The following NAT9 variants were observed in gnomAD, a reference collection of about 807,000 sequenced individuals.
NAT9 encodes alpha/beta-tubulin-N-acetyltransferase 9.
Under a neutral mutation model 24.0 loss-of-function variants are expected in NAT9, and 18 were observed. The observed-to-expected ratio is 0.75, with a 90% CI of 0.52 to 1.11. The LOEUF is 1.11. Ranked by LOEUF, NAT9 falls within the 50% of genes most tolerant of loss-of-function variation. The pLI, the probability that NAT9 is intolerant of heterozygous loss-of-function variation, is 0.00. For missense variants in NAT9, 254 were observed against 258.6 expected, an observed-to-expected ratio of 0.98 and a Z score of 0.12; for synonymous variants, 104 against 102.3, an observed-to-expected ratio of 1.02 and a Z score of -0.10.
Position 74,775,647 on chromosome 17 carries a change from G to C in NAT9, c.52C>G (p.Pro18Ala). ...LLLGKKVVLV[P>A]YTSEHVPSRY... is the part of the protein sequence containing the mutation. ...CTGGGCACATGCTCCGAGGTGTAGG[G>C]TACAAGGACCACCTTCTTCCCCAGC... is the stretch of plus-strand genomic sequence containing the variant. Residue 18 changes from proline (P) to alanine (A), a missense_variant, in exon 2 of 7, where the codon CCC (proline) becomes GCC (alanine). Physicochemically the swap from Pro to Ala is conservative, Grantham distance 27. Transcript: ENST00000357814. The C allele has an allele frequency of 1.2e-6, 2 of 1,614,104 alleles. No homozygotes were observed. The highest frequency in any genetic ancestry group is 8.5e-7 in the Non-Finnish European group (1 of 1,179,966).
chr17:74,772,514 T>C (rs1018252142), intron 4 of NAT9: 37 of 1,418,676 alleles, frequency 2.6e-5, no homozygotes, highest in East Asian at 5.1e-5. Context: ...CTCATGGGGA[T>C]AGTCAGTAGC....
Position 74,771,872 on chromosome 17 carries a change from A to C in NAT9, c.490-14T>G, listed in dbSNP as rs1363362513. On this transcript the variant is annotated splice_polypyrimidine_tract_variant and intron_variant, in intron 6 of 6. Transcript: ENST00000357814. ...GCTCGTAGCCACCTACGTGAGCCAG[A>C]GAGAACAAAGCCTGCTAAGTTACAG... 22 of 1,614,272 alleles carry C rather than the reference A, an allele frequency of 1.4e-5. No homozygotes were observed. The African/African-American group carries it at 2.3e-4, about 17-fold the overall frequency.
chr17:74,772,836 G>A, intron 4 of NAT9, 60 bp downstream of exon 4: 5 of 1,605,624 alleles, frequency 3.1e-6, no homozygotes, highest in Non-Finnish European at 4.3e-6. Context: ...GCCTCGGCAG[G>A]CTCAGTCAGC....
intron 2 of NAT9, among the ~76,000 whole-genome samples, chr17:74,774,643 C>T (rs143896851): frequency 0.021 from 3,224 of 151,270 alleles, 99 homozygotes; most frequent in African/African-American, 0.073. Flanking sequence ...CTCCGCCTCC[C>T]GGGTTCACAC....
chr17:74,771,778 C>A lies in NAT9; in HGVS notation c.570G>T (p.Gln190His). 6.2e-7 allele frequency: 1 copy of A among 1,614,128 alleles called. No homozygotes were observed. Reference sequence around the variant, plus strand: ...AAGGCTTCTCTTCCACGTGGCTGGTCTGCTCCAGAAGCCACTGATGCTCGG... The same window carrying A: ...AAGGCTTCTCTTCCACGTGGCTGGTATGCTCCAGAAGCCACTGATGCTCGG... ...SESEHQWLLEQTSHVEEKPYR... is the reference protein window; with the variant it reads ...SESEHQWLLEHTSHVEEKPYR... Residue 190 changes from glutamine to histidine, a missense_variant, in exon 7 of 7, where the codon CAG becomes CAT. Physicochemically the swap from Gln to His is conservative, Grantham distance 24 (BLOSUM62 0). Coordinates refer to ENST00000357814, the MANE Select transcript of NAT9 (RefSeq NM_015654.5).
At position 74,773,559 on chromosome 17, in the gene NAT9, G is replaced by C. The variant is rs776440950; in HGVS notation, c.190+17C>G. 125 of 1,603,532 alleles carry C rather than the reference G, an allele frequency of 7.8e-5. No individual in the cohort carries two copies. Among genetic ancestry groups the C allele is most frequent in the Non-Finnish European group, 7.8e-5 (91 of 1,171,412 alleles). ...TCCCAGTACCAGGGCTAGGGGAAGT[G>C]GGGGGGCACTCCTCACTGTCTGCAT... is the stretch of plus-strand genomic sequence containing the variant. On this transcript the variant is annotated intron_variant, in intron 3 of 6. Coordinates refer to ENST00000357814, the MANE Select transcript of NAT9 (RefSeq NM_015654.5).
rs775947951 is a variant in NAT9 at position 74,772,262 on chromosome 17, C to T, written c.350G>A (p.Gly117Asp). ...AACGGCCTCAGTGCCAAGGCCCTTA[C>T]CCCTGCAGCTGGGCTCTAGGAGAGA... The part of the protein sequence containing the change: ...EVMIAEPSCR[G>D]KGLGTEAVLA... Residue 117 changes from glycine to aspartate, a missense_variant, in exon 5 of 7, where the codon GGT (glycine) becomes GAT (aspartate). Gly to Asp is a moderately conservative substitution (Grantham distance 94). Transcript: ENST00000357814. 6 of 1,614,036 alleles carry T rather than the reference C, an allele frequency of 3.7e-6. No individual in the cohort carries two copies. In the East Asian group the frequency reaches 1.3e-4, roughly 36 times the overall value.
rs767047056 is a variant in NAT9 at position 74,772,858 on chromosome 17, C to G, written c.334+38G>C. 6.8e-6 allele frequency: 11 copies of G among 1,612,062 alleles called. No homozygotes were observed. In the South Asian group the frequency reaches 1.2e-4, roughly 18 times the overall value. On this transcript the variant is annotated intron_variant, in intron 4 of 6. Coordinates refer to ENST00000357814, the MANE Select transcript of NAT9 (RefSeq NM_015654.5). ...CAGGCTCAGTCAGCAGATCTGAGAG[C>G]CGGGAGTCAGCGGAAGGCAGGGCTA...
chr17:74,771,281 T>G lies in NAT9; in HGVS notation c.*443A>C. On this transcript the variant is annotated 3_prime_UTR_variant, in exon 7 of 7. Transcript: ENST00000357814. ...GTGGACACTGTGAGGCTGGGGCTCGTGGTAGCTCTTCACATGGACCAAACG... is the reference window on the plus strand; with the variant it reads ...GTGGACACTGTGAGGCTGGGGCTCGGGGTAGCTCTTCACATGGACCAAACG... The G allele has an allele frequency of 5.0e-6, 1 of 201,118 alleles. No homozygotes were observed. Among genetic ancestry groups the G allele is most frequent in the East Asian group, 1.1e-4 (1 of 9,092 alleles). The allele number at this position is 201,118 out of a possible 1,614,324, so 12.5% of individuals were successfully genotyped here. A position where few individuals can be genotyped will look rare whatever the true frequency, so the allele number is the denominator to read the frequency against.
At chr17:74,773,929 G>A (rs1286798229) in intron 2 of NAT9, 6 of 431,636 alleles carry the variant, frequency 1.4e-5, no homozygotes, top group East Asian at 4.0e-5. Flanking sequence ...GGGTCAGTGC[G>A]GAGGAGCAGT....
At chr17:74,774,686 A>T (rs1039959724) in intron 2 of NAT9, among the ~76,000 whole-genome samples, 30 of 151,130 alleles carry the variant, frequency 2.0e-4, no homozygotes, top group African/African-American at 7.1e-4. Context: ...AGTAGCTGGG[A>T]CTACAGGCGC....
chr17:74,776,058 A>G (rs889127217), intron 1 of NAT9: 4 of 194,178 alleles, frequency 2.1e-5, no homozygotes, highest in Admixed American at 1.2e-4. Flanking sequence ...ATTCCAACCC[A>G]GAATCAACTT....
In NAT9 at chr17:74,775,767, A is replaced by AGGCG. The variant is rs1316763398; in HGVS notation, c.-9-64_-9-61dup. On this transcript the variant is annotated intron_variant, in intron 1 of 6. Coordinates refer to ENST00000357814, the MANE Select transcript of NAT9 (RefSeq NM_015654.5). The stretch of plus-strand genomic sequence containing the variant: ...CCCTGAATTTCCTCCAACTTTGGGT[A>AGGCG]GGCGCTCCAGCTTTCCTGCTGGGGC... The AGGCG allele has an allele frequency of 4.9e-6, 7 of 1,441,650 alleles. No homozygotes were observed. The East Asian group carries it at 1.4e-4, about 28-fold the overall frequency. 89.3% of individuals were successfully genotyped at this position (1,441,650 alleles called of 1,614,324 possible).
At chr17:74,772,859 C>T (rs752134633) in intron 4 of NAT9, 37 bp downstream of exon 4, 13 of 1,612,090 alleles carry the variant, frequency 8.1e-6, no homozygotes, top group Non-Finnish European at 5.1e-6. Context: ...ATCTGAGAGC[C>T]GGGAGTCAGC....
Position 74,770,928 on chromosome 17 carries a change from CCA to C in NAT9, c.*794_*795del, listed in dbSNP as rs1326564906. ...CGTGGCCAGTCAGGTGCAGCTGCTC[CCA>C]GAGATGGAGGGTGAGGAACAGACGT... is the stretch of plus-strand genomic sequence containing the variant. On this transcript the variant is annotated 3_prime_UTR_variant, in exon 7 of 7. Coordinates refer to ENST00000357814, the MANE Select transcript of NAT9 (RefSeq NM_015654.5). The C allele has an allele frequency of 2.0e-5, 3 of 152,228 alleles. No individual in the cohort carries two copies. Among genetic ancestry groups the C allele is most frequent in the Non-Finnish European group, 4.4e-5 (3 of 68,092 alleles). The allele number at this position is 152,228 out of a possible 1,614,324, so 9.4% of individuals were successfully genotyped here.
Position 74,772,071 on chromosome 17 carries a change from G to A in NAT9, c.395-17C>T, listed in dbSNP as rs979534014. ...TGGTCACTCCTCGCAGAGGAGATGA[G>A]ACAGGGGCAAGTAAGGAGGCGCCTG... On this transcript the variant is annotated splice_polypyrimidine_tract_variant and intron_variant, in intron 5 of 6. Coordinates refer to ENST00000357814, the MANE Select transcript of NAT9 (RefSeq NM_015654.5). 5.0e-6 allele frequency: 8 copies of A among 1,614,028 alleles called. No homozygotes were observed. In the African/African-American group the frequency reaches 1.1e-4, roughly 22 times the overall value.
chr17:74,770,665 CTTA>C lies in NAT9; in HGVS notation c.*1056_*1058del, dbSNP rs921610490. The C allele has an allele frequency of 2.0e-5, 3 of 152,250 alleles. No homozygotes were observed. Among genetic ancestry groups the C allele is most frequent in the Non-Finnish European group, 4.4e-5 (3 of 68,048 alleles). 9.4% of individuals were successfully genotyped at this position (152,250 alleles called of 1,614,324 possible). On this transcript the variant is annotated 3_prime_UTR_variant, in exon 7 of 7. Transcript: ENST00000357814. Reference sequence around the variant, plus strand: ...GGGAGGCCTTAGGCAAGTCACCTTACTTATCTAAGACTGTTTCCCCACCTGGAA... The same window carrying C: ...GGGAGGCCTTAGGCAAGTCACCTTACTCTAAGACTGTTTCCCCACCTGGAA...
At chr17:74,774,205 T>G (rs1426176486) in intron 2 of NAT9, 1 of 154,072 alleles carries the variant, frequency 6.5e-6, no homozygotes, top group East Asian at 1.9e-4. Context: ...AAGGACAAGC[T>G]AACATTAAGT....
chr17:74,771,440 T>C lies in NAT9; in HGVS notation c.*284A>G. The C allele has an allele frequency of 2.0e-6, 1 of 505,212 alleles. No homozygotes were observed. Among genetic ancestry groups the C allele is most frequent in the Non-Finnish European group, 3.6e-6 (1 of 279,870 alleles). 31.3% of individuals were successfully genotyped at this position (505,212 alleles called of 1,614,324 possible). ...CCTGCACCTCCAGCTCCCACCTTCA[T>C]CCCGACATCTCCCATGGATCCCTGC... On this transcript the variant is annotated 3_prime_UTR_variant, in exon 7 of 7. Transcript: ENST00000357814.
Sources: gnomAD v4.1 joint callset for allele counts (sites outside exome capture counted in the v4.1 genomes callset) on GRCh38, gnomAD v4.1.1 for gene constraint, MANE v1.5 for transcripts, NCBI Gene and HGNC (gene_info 2026-07-23, HGNC 2026-07-21) for gene names.